The following NUP160 variants were observed in gnomAD, a reference collection of about 807,000 sequenced individuals.
The protein encoded by NUP160 is nuclear pore complex protein Nup160.
In NUP160, 94 loss-of-function variants were observed where a neutral mutation model predicts 196.9. The observed-to-expected ratio is 0.48, with a 90% CI of 0.40 to 0.57. The LOEUF (loss-of-function observed/expected upper bound fraction) is 0.57, where lower values mean the gene tolerates loss of function less well. Among genes scored for constraint, NUP160 ranks in the 20% least tolerant of loss-of-function variants. The pLI is 0.00. For missense variants in NUP160, 1,638 were observed against 1,748.3 expected (o/e 0.94, Z 1.13); for synonymous variants, 605 against 619.7 (o/e 0.98, Z 0.35).
intron 9 of NUP160, among the ~76,000 whole-genome samples, chr11:47,820,827 G>A (rs1273895582): frequency 1.3e-5 from 2 of 152,120 alleles, no homozygotes; most frequent in African/African-American, 4.8e-5. Context: ...TGGGATTACA[G>A]GCATGAGCCA....
At chr11:47,806,277 G>C in exon 20 of NUP160, 1 of 1,613,614 alleles carries the variant, frequency 6.2e-7, no homozygotes, top group Non-Finnish European at 8.5e-7. Context: ...GCAACTTCTT[G>C]GAAGAATAAC....
chr11:47,807,196 T>A (rs982056993), intron 18 of NUP160, 56 bp from the exon 19 acceptor site: 9 of 1,053,454 alleles, frequency 8.5e-6, no homozygotes, highest in Middle Eastern at 2.0e-4. Flanking sequence ...AAACATTACT[T>A]CTACAAGCTC....
At chr11:47,843,431 G>A (rs895847344) in intron 2 of NUP160, among the ~76,000 whole-genome samples, 5 of 152,070 alleles carry the variant, frequency 3.3e-5, no homozygotes, top group African/African-American at 4.8e-5. Context: ...GGGATGCCAC[G>A]TTCTTTGTTC....
At chr11:47,821,101 A>G (rs891359769) in intron 9 of NUP160, among the ~76,000 whole-genome samples, 1 of 152,006 alleles carries the variant, frequency 6.6e-6, no homozygotes, top group African/African-American at 2.4e-5. Flanking sequence ...AATCAGGAAT[A>G]GTCTTAGCTT....
intron 4 of NUP160, among the ~76,000 whole-genome samples, chr11:47,838,636 G>GC (rs1208836171): frequency 1.3e-5 from 2 of 151,852 alleles, no homozygotes; most frequent in African/African-American, 2.4e-5. Context: ...TGAACCTGGG[G>GC]GGGGCGGAGG....
At chr11:47,816,489 T>C (rs1231606191) in intron 11 of NUP160, among the ~76,000 whole-genome samples, 6 of 152,216 alleles carry the variant, frequency 3.9e-5, no homozygotes, top group Non-Finnish European at 7.4e-5. Flanking sequence ...AAGAAGCCTA[T>C]GCAAGCTGGG....
intron 20 of NUP160, 70 bp downstream of exon 20, chr11:47,806,083 G>A (rs926463503): frequency 1.4e-6 from 2 of 1,443,946 alleles, no homozygotes; most frequent in East Asian, 4.6e-5. Context: ...CAAAGTGCTG[G>A]GATTACAGGT....
At chr11:47,836,114 G>A (rs914604805) in intron 6 of NUP160, among the ~76,000 whole-genome samples, 1 of 152,086 alleles carries the variant, frequency 6.6e-6, no homozygotes, top group African/African-American at 2.4e-5. Context: ...CAGGTGCAGT[G>A]GTGCATGCCT....
At chr11:47,804,475 T>C in intron 21 of NUP160, 74 bp downstream of exon 21, 1 of 980,396 alleles carries the variant, frequency 1.0e-6, no homozygotes, top group African/African-American at 1.7e-5. Flanking sequence ...GCAGTTAACA[T>C]TTACAAAGAA....
At chr11:47,826,560 T>TCCC (rs11326952) in intron 7 of NUP160, among the ~76,000 whole-genome samples, 4 of 143,332 alleles carry the variant, frequency 2.8e-5, no homozygotes, top group Non-Finnish European at 4.5e-5. Flanking sequence ...GAGGTAAAAA[T>TCCC]CCCCCCCCCC....
At chr11:47,800,450 C>A (rs2135361243) in intron 23 of NUP160, among the ~76,000 whole-genome samples, 1 of 150,794 alleles carries the variant, frequency 6.6e-6, no homozygotes, top group Non-Finnish European at 1.5e-5. Flanking sequence ...AGTGCAGTGG[C>A]ACGATCTCAG....
exon 36 of NUP160, chr11:47,778,861 C>T (rs546198889): frequency 4.3e-4 from 150 of 351,818 alleles, no homozygotes; most frequent in African/African-American, 2.9e-3. Flanking sequence ...TAAAAAAGCT[C>T]GTGAATCATA....
chr11:47,811,006 G>GA (rs1167777645), intron 17 of NUP160, among the ~76,000 whole-genome samples: 1 of 152,036 alleles, frequency 6.6e-6, no homozygotes, highest in Non-Finnish European at 1.5e-5. Context: ...TACTGACTTA[G>GA]AAAAAAATGG....
At chr11:47,831,218 C>T (rs1306318062) in intron 7 of NUP160, among the ~76,000 whole-genome samples, 2 of 152,044 alleles carry the variant, frequency 1.3e-5, no homozygotes, top group African/African-American at 4.8e-5. Context: ...AAACATTTCT[C>T]CAAGGAAGAG....
At chr11:47,794,094 G>A (rs2097669494) in intron 27 of NUP160, among the ~76,000 whole-genome samples, 1 of 152,144 alleles carries the variant, frequency 6.6e-6, no homozygotes. Flanking sequence ...GGAACAAGTA[G>A]TTGTTTAATG....
At chr11:47,806,788 TATACACACAC>T (rs1268354571) in intron 19 of NUP160, among the ~76,000 whole-genome samples, 5,437 of 106,418 alleles carry the variant, frequency 0.051, 222 homozygotes, top group Non-Finnish European at 0.068. Flanking sequence ...GGAAAGCAGC[TATACACACAC>T]ACACACACAC....
At chr11:47,835,439 T>C (rs1189622581) in intron 7 of NUP160, among the ~76,000 whole-genome samples, 1 of 152,240 alleles carries the variant, frequency 6.6e-6, no homozygotes, top group African/African-American at 2.4e-5. Flanking sequence ...TGTTAACTTT[T>C]CCTTTCATGT....
intron 10 of NUP160, among the ~76,000 whole-genome samples, chr11:47,818,527 T>C (rs901563152): frequency 3.3e-5 from 5 of 149,700 alleles, no homozygotes; most frequent in African/African-American, 7.3e-5. Context: ...CCAGTAATAA[T>C]AGGTATTATA....
chr11:47,847,195 T>C lies in NUP160; in HGVS notation c.314+653A>G, dbSNP rs984701114. Among the ~76,000 whole-genome samples, 5 of 152,290 alleles carry C rather than the reference T, an allele frequency of 3.3e-5. No individual in the cohort carries two copies. The East Asian group carries it at 7.7e-4, about 24-fold the overall frequency. Reference sequence around the variant, plus strand: ...CTTTCCACTTCATGACCTTTGCATATGGTGATCCTACTTGCTGGACTCCTC... The same window carrying C: ...CTTTCCACTTCATGACCTTTGCATACGGTGATCCTACTTGCTGGACTCCTC... On this transcript the variant is annotated intron_variant, in intron 2 of 35. Coordinates refer to ENST00000378460, the Ensembl canonical transcript of NUP160.
Sources: allele counts gnomAD v4.1 joint callset (sites outside exome capture counted in the v4.1 genomes callset), GRCh38; gene constraint gnomAD v4.1.1; transcripts MANE v1.5; gene names NCBI Gene and HGNC (gene_info 2026-07-23, HGNC 2026-07-21).